The following THSD7B variants were observed in gnomAD, a reference collection of about 807,000 sequenced individuals.
THSD7B encodes the protein thrombospondin type-1 domain-containing protein 7B.
A neutral mutation model predicts 213.6 loss-of-function variants in THSD7B; 138 were observed. The ratio of observed to expected loss-of-function variants is 0.65; its 90% confidence interval spans 0.56 to 0.74. The LOEUF (loss-of-function observed/expected upper bound fraction) is 0.74, where lower values mean the gene tolerates loss of function less well. THSD7B is among the 30% of genes least tolerant of loss of function. The pLI is 0.00. For synonymous variants in THSD7B, 742 were observed against 687.0 expected (o/e 1.08, Z -1.25); for missense variants, 1,931 against 1,991.5 (o/e 0.97, Z 0.58).
chr2:137,354,078 T>C (rs1330401850), intron 12 of THSD7B, among the ~76,000 whole-genome samples: 1 of 151,926 alleles, frequency 6.6e-6, no homozygotes, highest in Non-Finnish European at 1.5e-5. Context: ...GGTATTTCCC[T>C]CCCCTCTGCT....
intron 1 of THSD7B, among the ~76,000 whole-genome samples, chr2:136,774,250 A>T (rs1483377501): frequency 6.6e-6 from 1 of 152,176 alleles, no homozygotes; most frequent in Admixed American, 6.5e-5. Flanking sequence ...CATTTAATGC[A>T]TATTTCTCAT....
chr2:137,185,305 G>A (rs1250512512), intron 7 of THSD7B, among the ~76,000 whole-genome samples: 3 of 151,652 alleles, frequency 2.0e-5, no homozygotes, highest in African/African-American at 7.3e-5. Flanking sequence ...TTGTTACAAA[G>A]GTATATTGTG....
intron 5 of THSD7B, among the ~76,000 whole-genome samples, chr2:137,118,273 A>G (rs1388179628): frequency 6.6e-6 from 1 of 152,206 alleles, no homozygotes; most frequent in Non-Finnish European, 1.5e-5. Context: ...TTTCTCAAAT[A>G]AAATTAAAGC....
chr2:137,484,355 C>A (rs1324495783), intron 15 of THSD7B, among the ~76,000 whole-genome samples: 6 of 138,390 alleles, frequency 4.3e-5, no homozygotes, highest in African/African-American at 8.2e-5. Flanking sequence ...TGAACTCATC[C>A]TTTTTTATGG....
intron 10 of THSD7B, among the ~76,000 whole-genome samples, chr2:137,247,950 A>G (rs1170423775): frequency 2.6e-5 from 4 of 152,162 alleles, no homozygotes; most frequent in African/African-American, 7.2e-5. Context: ...TATAAGGAGG[A>G]CAGATGGAAC....
At chr2:137,581,684 C>T (rs935546240) in intron 17 of THSD7B, among the ~76,000 whole-genome samples, 17 of 148,110 alleles carry the variant, frequency 1.1e-4, no homozygotes, top group African/African-American at 3.0e-4. Context: ...GGCGTGAACC[C>T]GGGAGGCGGA....
At chr2:137,600,127 GGAGA>G (rs375852315) in intron 17 of THSD7B, among the ~76,000 whole-genome samples, 8 of 151,728 alleles carry the variant, frequency 5.3e-5, no homozygotes, top group African/African-American at 1.9e-4. Flanking sequence ...ACACAGAGAG[GGAGA>G]GAGAGAGAGA....
At chr2:137,662,873 G>T (rs1390451213) in intron 25 of THSD7B, among the ~76,000 whole-genome samples, 1 of 152,034 alleles carries the variant, frequency 6.6e-6, no homozygotes, top group East Asian at 1.9e-4. Flanking sequence ...TGGCCAACAT[G>T]GTGAAACCCT....
chr2:137,011,043 G>A (rs138562188), intron 2 of THSD7B, among the ~76,000 whole-genome samples: 332 of 152,210 alleles, frequency 2.2e-3, no homozygotes, highest in African/African-American at 7.8e-3. Flanking sequence ...AGTAGAACTT[G>A]TTCTTTGATT....
chr2:137,591,565 G>A (rs1174020741), intron 17 of THSD7B, among the ~76,000 whole-genome samples: 1 of 151,856 alleles, frequency 6.6e-6, no homozygotes, highest in Non-Finnish European at 1.5e-5. Context: ...ATCAGTGATT[G>A]CCTTTCTTAG....
At chr2:137,532,986 G>A (rs79051617) in intron 15 of THSD7B, among the ~76,000 whole-genome samples, 25,166 of 150,562 alleles carry the variant, frequency 0.17, 2,244 homozygotes, top group South Asian at 0.28. Flanking sequence ...TATACATTCT[G>A]TCTGTATCTA....
At chr2:137,454,917 C>T (rs1687733702) in intron 15 of THSD7B, among the ~76,000 whole-genome samples, 1 of 152,056 alleles carries the variant, frequency 6.6e-6, no homozygotes, top group Non-Finnish European at 1.5e-5. Context: ...AAAAAAGTAA[C>T]CAAATTATAA....
chr2:137,038,578 A>G (rs1488355736), intron 2 of THSD7B, among the ~76,000 whole-genome samples: 2 of 152,164 alleles, frequency 1.3e-5, no homozygotes, highest in African/African-American at 4.8e-5. Context: ...AGGAAGTTGG[A>G]TCATTTCTAA....
intron 5 of THSD7B, among the ~76,000 whole-genome samples, chr2:137,134,359 T>C (rs1688793674): frequency 6.6e-6 from 1 of 152,174 alleles, no homozygotes; most frequent in East Asian, 1.9e-4. Context: ...GCACAGTTGA[T>C]TCCCTTCTGT....
rs540200351 is a variant in THSD7B at position 136,860,185 on chromosome 2, A to G, written c.-35-21959A>G. Among the ~76,000 whole-genome samples, 86 of 151,826 alleles carry G rather than the reference A, an allele frequency of 5.7e-4. 2 individuals are homozygous for G. Among genetic ancestry groups the G allele is most frequent in the South Asian group, 1.0e-3 (5 of 4,796 alleles). ...ATTTTTTTGAGGAGTTGAGGATGGT[A>G]TCTTAGGAGGCCAGGGCAGTAGAAT... is the stretch of plus-strand genomic sequence containing the variant. On this transcript the variant is annotated intron_variant, in intron 1 of 27. Coordinates refer to ENST00000409968, the MANE Select transcript of THSD7B (RefSeq NM_001316349.2).
In THSD7B at chr2:137,169,626, A is replaced by C. The variant is rs1680203552; in HGVS notation, c.1526-1115A>C. Among the ~76,000 whole-genome samples, 5 of 152,308 alleles carry C rather than the reference A, an allele frequency of 3.3e-5. No homozygotes were observed. The South Asian group carries it at 1.0e-3, about 32-fold the overall frequency. ...ATAACAATTTCTTAAAATGTTATTC[A>C]TGCAAAACTGTTGGTTTTGTTAAAA... On this transcript the variant is annotated intron_variant, in intron 6 of 27. Coordinates refer to ENST00000409968, the MANE Select transcript of THSD7B (RefSeq NM_001316349.2).
At chr2:137,618,601 A>T in intron 19 of THSD7B, 94 bp downstream of exon 19, 1 of 1,098,046 alleles carries the variant, frequency 9.1e-7, no homozygotes, top group Non-Finnish European at 1.3e-6. Flanking sequence ...TAACAGACTG[A>T]TTTCTTCTCA....
chr2:137,282,548 T>G (rs1039000968), intron 12 of THSD7B, among the ~76,000 whole-genome samples: 63 of 152,336 alleles, frequency 4.1e-4, no homozygotes, highest in Admixed American at 3.7e-3. Context: ...GTCTAACATT[T>G]AAGTCTTTAA....
chr2:137,421,580 T>C (rs991085835), intron 14 of THSD7B, among the ~76,000 whole-genome samples: 3 of 152,224 alleles, frequency 2.0e-5, no homozygotes, highest in Non-Finnish European at 4.4e-5. Flanking sequence ...CCTCCCCGAA[T>C]TTCCATGTGT....
Sources: allele counts gnomAD v4.1 joint callset (sites outside exome capture counted in the v4.1 genomes callset), GRCh38; gene constraint gnomAD v4.1.1; transcripts MANE v1.5; gene names NCBI Gene and HGNC (gene_info 2026-07-23, HGNC 2026-07-21).